Variants in TUBAL3 observed in about 807,000 individuals in gnomAD.
The protein encoded by TUBAL3 is tubulin alpha chain-like 3.
TUBAL3 carries 16 observed loss-of-function variants against 15.5 expected under a neutral mutation model. The ratio of observed to expected loss-of-function variants is 1.04; its 90% CI spans 0.70 to 1.57. The LOEUF (loss-of-function observed/expected upper bound fraction) is 1.57. TUBAL3 is among the 40% of genes most tolerant of loss of function. The pLI, the probability that TUBAL3 is intolerant of heterozygous loss-of-function variation, is 0.00. For synonymous variants in TUBAL3, 238 were observed against 224.3 expected (o/e 1.06, Z -0.55); for missense variants, 609 against 576.2 (o/e 1.06, Z -0.58).
rs1831712908 is a variant in TUBAL3 at position 5,393,723 on chromosome 10, G to A, written c.1135C>T (p.His379Tyr). The stretch of plus-strand genomic sequence containing the variant: ...TTGCTCAGCATGCAGATGGACCGGT[G>A]GACTTTGGCCAGGTCCCCACCCGGC... Reference protein sequence around the residue: ...VMPGGDLAKVHRSICMLSNTT... With the variant: ...VMPGGDLAKVYRSICMLSNTT... Residue 379 changes from histidine (H) to tyrosine (Y), a missense_variant, in exon 4 of 4, where the codon CAC becomes TAC. His to Tyr is a moderately conservative substitution (Grantham distance 83). Transcript: ENST00000380419. 1.2e-6 allele frequency: 2 copies of A among 1,614,094 alleles called. No homozygotes were observed. Among genetic ancestry groups the A allele is most frequent in the South Asian group, 2.2e-5 (2 of 91,084 alleles).
At chr10:5,401,189 T>A in intron 1 of TUBAL3, 102 bp from the exon 2 acceptor site, 1 of 1,418,038 alleles carries the variant, frequency 7.1e-7, no homozygotes, top group Non-Finnish European at 9.6e-7. Context: ...CAAGCTAGCT[T>A]AAGGCCACGG....
Position 5,393,486 on chromosome 10 carries a change from T to A in TUBAL3, c.*31A>T, listed in dbSNP as rs782350511. On this transcript the variant is annotated 3_prime_UTR_variant, in exon 4 of 4. Coordinates refer to ENST00000380419, the MANE Select transcript of TUBAL3 (RefSeq NM_024803.3). Reference sequence around the variant, plus strand: ...TGAAAAGAAAACATGCCATTTTAACTTGACATTCATTTGCACCCATCATAC... The same window carrying A: ...TGAAAAGAAAACATGCCATTTTAACATGACATTCATTTGCACCCATCATAC... 1 of 1,536,998 alleles carries A rather than the reference T, an allele frequency of 6.5e-7. No homozygotes were observed. Among genetic ancestry groups the A allele is most frequent in the Non-Finnish European group, 8.8e-7 (1 of 1,139,574 alleles).
chr10:5,393,897 C>T lies in TUBAL3; in HGVS notation c.961G>A (p.Ala321Thr), dbSNP rs1554813786. Residue 321 changes from alanine to threonine, a missense_variant, in exon 4 of 4, where the codon GCC becomes ACC. Coordinates refer to ENST00000380419, the MANE Select transcript of TUBAL3 (RefSeq NM_024803.3). ...TCCCCTCTATAGAGTAGGCAGCAGG[C>T]CATGTACTTCCCAAGCCGAGGATCA... ...KCDPRLGKYM[A>T]CCLLYRGDVV... 1 of 1,614,216 alleles carries T rather than the reference C, an allele frequency of 6.2e-7. No individual in the cohort carries two copies. Among genetic ancestry groups the T allele is most frequent in the Admixed American group, 1.7e-5 (1 of 60,024 alleles).
chr10:5,393,413 T>C lies in TUBAL3; in HGVS notation c.*104A>G, dbSNP rs1399558002. ...ACCTAGAGTCTTGCCTGATTTGAGT[T>C]CATTTTTCTGCTCATCAGGGGAACT... is the stretch of plus-strand genomic sequence containing the variant. On this transcript the variant is annotated 3_prime_UTR_variant, in exon 4 of 4. Transcript: ENST00000380419. 4.9e-6 allele frequency: 5 copies of C among 1,017,886 alleles called. No individual in the cohort carries two copies. The Admixed American group carries it at 8.0e-5, about 16-fold the overall frequency. 63.1% of individuals were successfully genotyped at this position (1,017,886 alleles called of 1,614,324 possible).
Position 5,395,535 on chromosome 10 carries a change from C to T in TUBAL3, c.248-60G>A. The stretch of plus-strand genomic sequence containing the variant: ...CCAGTGCAATTCAGCCGTCCACCTG[C>T]TGCTAGTCCTCCTGGAGCCTCCCCG... On this transcript the variant is annotated intron_variant, in intron 2 of 3. Transcript: ENST00000380419. This position sits in a 1 kb window ranked among gnomAD's most constrained non-coding sequence, Gnocchi z 4.6. 24 of 1,358,366 alleles carry T rather than the reference C, an allele frequency of 1.8e-5. No homozygotes were observed. The highest frequency in any genetic ancestry group is 2.2e-5 in the Non-Finnish European group (23 of 1,040,672). 84.1% of individuals were successfully genotyped at this position (1,358,366 alleles called of 1,614,324 possible).
At chr10:5,404,349 A>G (rs1253357403) in intron 1 of TUBAL3, among the ~76,000 whole-genome samples, 3 of 152,226 alleles carry the variant, frequency 2.0e-5, no homozygotes, top group Non-Finnish European at 2.9e-5. Flanking sequence ...GAGGGCAAAG[A>G]AGATGTCTGC....
Position 5,394,364 on chromosome 10 carries a change from G to T in TUBAL3, c.494C>A (p.Thr165Lys), listed in dbSNP as rs1831730524. The T allele has an allele frequency of 6.2e-7, 1 of 1,614,098 alleles. No homozygotes were observed. Among genetic ancestry groups the T allele is most frequent in the Non-Finnish European group, 8.5e-7 (1 of 1,180,026 alleles). ...GFTSLLMERL[T>K]GEYSRKTKLE... ...CTTAGTCTTTCTGCTATATTCTCCTGTGAGCCTCTCCATTAAGAGAGACGT... is the reference window on the plus strand; with the variant it reads ...CTTAGTCTTTCTGCTATATTCTCCTTTGAGCCTCTCCATTAAGAGAGACGT... Residue 165 changes from threonine (T) to lysine (K), a missense_variant, in exon 4 of 4, where the codon ACA (threonine) becomes AAA (lysine). Coordinates refer to ENST00000380419, the MANE Select transcript of TUBAL3 (RefSeq NM_024803.3). The surrounding 1 kb of genome is among the most constrained non-coding windows in gnomAD (Gnocchi z 4.3).
Position 5,397,313 on chromosome 10 carries a change from A to T in TUBAL3, c.248-1838T>A, listed in dbSNP as rs1831780145. The stretch of plus-strand genomic sequence containing the variant: ...TTGAAATTGAGTTTAAATAACTTTT[A>T]ACTAGCTTACACACAAACCTCCCCC... On this transcript the variant is annotated intron_variant, in intron 2 of 3. Coordinates refer to ENST00000380419, the MANE Select transcript of TUBAL3 (RefSeq NM_024803.3). The surrounding 1 kb of genome is among the most constrained non-coding windows in gnomAD (Gnocchi z 4.9). Among the ~76,000 whole-genome samples, 2 of 152,348 alleles carry T rather than the reference A, an allele frequency of 1.3e-5. No homozygotes were observed. Among genetic ancestry groups the T allele is most frequent in the East Asian group, 3.9e-4 (2 of 5,190 alleles).
Position 5,393,885 on chromosome 10 carries a change from G to C in TUBAL3, c.973C>G (p.Leu325Val), listed in dbSNP as rs1215681516. The change falls in exon 4 of 4, where the codon CTC becomes GTC. Residue 325 changes from leucine (L) to valine (V), a missense_variant. Transcript: ENST00000380419. ...RLGKYMACCLLYRGDVVPKEV... is the reference protein window; with the variant it reads ...RLGKYMACCLVYRGDVVPKEV... Reference sequence around the variant, plus strand: ...TTGGGGACCACATCCCCTCTATAGAGTAGGCAGCAGGCCATGTACTTCCCA... The same window carrying C: ...TTGGGGACCACATCCCCTCTATAGACTAGGCAGCAGGCCATGTACTTCCCA... 1.9e-6 allele frequency: 3 copies of C among 1,614,250 alleles called. No individual in the cohort carries two copies. In the African/African-American group the frequency reaches 4.0e-5, roughly 22 times the overall value.
intron 1 of TUBAL3, among the ~76,000 whole-genome samples, chr10:5,402,928 C>T (rs966408024): frequency 6.6e-6 from 1 of 152,212 alleles, no homozygotes; most frequent in Non-Finnish European, 1.5e-5. Flanking sequence ...CACTGGTCTA[C>T]ACAGACCACT....
At position 5,393,672 on chromosome 10, in the gene TUBAL3, C is replaced by CCA; in HGVS notation, c.1185_1186insTG (p.Ala396TrpfsTer77). The CCA allele has an allele frequency of 6.2e-7, 1 of 1,614,182 alleles. No homozygotes were observed. Among genetic ancestry groups the CCA allele is most frequent in the Non-Finnish European group, 8.5e-7 (1 of 1,180,032 alleles). ...AGGTCAAACTTGTGGTCCAGGCGGG[C>CCA]CCAGGCCTCCACAATCGCCGTGGTG... is the stretch of plus-strand genomic sequence containing the variant. On this transcript the variant is annotated frameshift_variant, in exon 4 of 4. Transcript: ENST00000380419. LOFTEE classifies it high-confidence loss of function.
chr10:5,398,568 G>A (rs1236983045), intron 2 of TUBAL3, among the ~76,000 whole-genome samples: 4 of 152,082 alleles, frequency 2.6e-5, no homozygotes, highest in Admixed American at 6.6e-5. Context: ...TCCAGCCTGG[G>A]TGACAGAACA....
At position 5,395,550 on chromosome 10, in the gene TUBAL3, G is replaced by C; in HGVS notation, c.248-75C>G. On this transcript the variant is annotated intron_variant, in intron 2 of 3. Coordinates refer to ENST00000380419, the MANE Select transcript of TUBAL3 (RefSeq NM_024803.3). The surrounding 1 kb of genome is among the most constrained non-coding windows in gnomAD (Gnocchi z 4.6). ...CGTCCACCTGCTGCTAGTCCTCCTG[G>C]AGCCTCCCCGTACTTGACTCCCATG... 1.5e-6 allele frequency: 2 copies of C among 1,340,452 alleles called. No individual in the cohort carries two copies. The highest frequency in any genetic ancestry group is 1.9e-6 in the Non-Finnish European group (2 of 1,027,136). The allele number at this position is 1,340,452 out of a possible 1,614,324, so 83.0% of individuals were successfully genotyped here.
In TUBAL3 at chr10:5,394,561, A is replaced by C; in HGVS notation, c.397-100T>G. On this transcript the variant is annotated intron_variant, in intron 3 of 3. Transcript: ENST00000380419. This position sits in a 1 kb window ranked among gnomAD's most constrained non-coding sequence, Gnocchi z 4.3. ...ATACAACAGGTTTCCCCAAAACAAA[A>C]TCTTTCAGAAAGGACTCCTTTGCCT... The C allele has an allele frequency of 9.0e-7, 1 of 1,110,336 alleles. No individual in the cohort carries two copies. The highest frequency in any genetic ancestry group is 1.3e-6 in the Non-Finnish European group (1 of 791,894). 68.8% of individuals were successfully genotyped at this position (1,110,336 alleles called of 1,614,324 possible). A position where few individuals can be genotyped will look rare whatever the true frequency, so the allele number is the denominator to read the frequency against.
chr10:5,394,915 G>A lies in TUBAL3; in HGVS notation c.396+412C>T, dbSNP rs1397934632. Among the ~76,000 whole-genome samples the A allele has an allele frequency of 2.0e-5, 3 of 152,160 alleles. No individual in the cohort carries two copies. Among genetic ancestry groups the A allele is most frequent in the South Asian group, 2.1e-4 (1 of 4,828 alleles). On this transcript the variant is annotated intron_variant, in intron 3 of 3. Transcript: ENST00000380419. This position sits in a 1 kb window ranked among gnomAD's most constrained non-coding sequence, Gnocchi z 4.3. ...GTCTCCAGACTCAGGCCCCTAAAGA[G>A]GAATTAATTATCAGTAAATAGAGTC...
intron 1 of TUBAL3, 34 bp from the exon 2 acceptor site, chr10:5,401,121 G>C (rs1554814622): frequency 6.2e-7 from 1 of 1,609,082 alleles, no homozygotes; most frequent in South Asian, 1.1e-5. Context: ...GAACTGAGCA[G>C]GTGTTTAGAA....
chr10:5,400,354 A>G (rs568166940), intron 2 of TUBAL3, among the ~76,000 whole-genome samples: 3 of 152,320 alleles, frequency 2.0e-5, no homozygotes, highest in Admixed American at 2.0e-4. Flanking sequence ...AACCTAGGCC[A>G]AGTGTGGTGG....
At chr10:5,402,617 C>G (rs994768569) in intron 1 of TUBAL3, among the ~76,000 whole-genome samples, 23 of 152,200 alleles carry the variant, frequency 1.5e-4, no homozygotes, top group Admixed American at 9.8e-4. Context: ...CAGACCAGTA[C>G]CAGTCTGTGC....
Position 5,395,227 on chromosome 10 carries a change from T to A in TUBAL3, c.396+100A>T. 7.9e-7 allele frequency: 1 copy of A among 1,261,870 alleles called. No individual in the cohort carries two copies. 78.2% of individuals were successfully genotyped at this position (1,261,870 alleles called of 1,614,324 possible). A position where few individuals can be genotyped will look rare whatever the true frequency, so the allele number is the denominator to read the frequency against. On this transcript the variant is annotated intron_variant, in intron 3 of 3. Transcript: ENST00000380419. This position sits in a 1 kb window ranked among gnomAD's most constrained non-coding sequence, Gnocchi z 4.6. The stretch of plus-strand genomic sequence containing the variant: ...CAGACCAGAGCCCAGGGAGAGACGG[T>A]TGGTGGCGATGGTGACAGCAGATAA...
Sources: allele counts gnomAD v4.1 joint callset (sites outside exome capture counted in the v4.1 genomes callset), GRCh38; gene constraint gnomAD v4.1.1; non-coding constraint Gnocchi (gnomAD v3.1); transcripts MANE v1.5; gene names NCBI Gene and HGNC (gene_info 2026-07-23, HGNC 2026-07-21).